ASTN2: variants seen among roughly 807,000 people sequenced by gnomAD.
ASTN2 encodes astrotactin 2.
A neutral mutation model predicts 139.8 loss-of-function variants in ASTN2; 54 were observed. The ratio of observed to expected loss-of-function variants is 0.39; its 90% CI spans 0.31 to 0.48. ASTN2 has a LOEUF of 0.48. ASTN2 is among the 20% of genes least tolerant of loss of function. The probability of loss-of-function intolerance (pLI) is 0.95; values close to 1 mark genes in which losing one functional copy is unlikely to be tolerated. For synonymous variants in ASTN2, 756 were observed against 719.5 expected (o/e 1.05, Z -0.81); for missense variants, 1,565 against 1,725.1 (o/e 0.91, Z 1.64).
chr9:117,167,212 C>T (rs2132915461), intron 3 of ASTN2, among the ~76,000 whole-genome samples: 1 of 152,208 alleles, frequency 6.6e-6, no homozygotes, highest in East Asian at 1.9e-4. Context: ...CTATCTCTGT[C>T]ATCTGTCATC....
chr9:117,284,126 T>C (rs1341861108), intron 2 of ASTN2, among the ~76,000 whole-genome samples: 1 of 152,160 alleles, frequency 6.6e-6, no homozygotes, highest in Admixed American at 6.5e-5. Flanking sequence ...AATTTTTAAA[T>C]GAGGTTGTTA....
intron 19 of ASTN2, among the ~76,000 whole-genome samples, chr9:116,573,131 G>A (rs957743946): frequency 3.3e-5 from 5 of 152,112 alleles, no homozygotes; most frequent in African/African-American, 7.2e-5. Context: ...TATTTCCTGC[G>A]TTATAGAAGA....
intron 2 of ASTN2, among the ~76,000 whole-genome samples, chr9:117,225,485 C>A (rs941169877): frequency 1.3e-4 from 18 of 140,268 alleles, no homozygotes; most frequent in Non-Finnish European, 2.6e-4. Flanking sequence ...GAGGCCGAGG[C>A]GGGTGGGTCA....
Position 117,345,997 on chromosome 9 carries a change from G to A in ASTN2, c.443-54484C>T, listed in dbSNP as rs77998464. Among the ~76,000 whole-genome samples the A allele has an allele frequency of 9.7e-3, 1,105 of 113,506 alleles. 13 individuals carry two copies. The highest frequency in any genetic ancestry group is 0.032 in the African/African-American group (992 of 31,196). The allele number at this position is 113,506 out of a possible 152,430, so 74.5% of individuals were successfully genotyped here. ...ATTTTAATCCTCACATTGCCACTTA[G>A]TGAACTAAGAGGCAAAAAAAAAAAA... On this transcript the variant is annotated intron_variant, in intron 1 of 22. Transcript: ENST00000313400.
chr9:116,482,672 T>C (rs571221196), intron 20 of ASTN2, among the ~76,000 whole-genome samples: 82 of 152,196 alleles, frequency 5.4e-4, no homozygotes, highest in African/African-American at 1.9e-3. Context: ...CGGGCTTTTT[T>C]TCACAATGCC....
At chr9:117,240,745 G>A (rs186627463) in intron 2 of ASTN2, among the ~76,000 whole-genome samples, 1 of 152,182 alleles carries the variant, frequency 6.6e-6, no homozygotes, top group East Asian at 1.9e-4. Flanking sequence ...GTTTCCTGAG[G>A]TTTTCCAATC....
At chr9:116,477,302 A>G (rs765460336) in intron 20 of ASTN2, among the ~76,000 whole-genome samples, 6 of 151,940 alleles carry the variant, frequency 3.9e-5, no homozygotes, top group Non-Finnish European at 7.4e-5. Flanking sequence ...CCAGGCCCCA[A>G]CTGTGCACTT....
chr9:117,310,759 G>A (rs1827948238), intron 1 of ASTN2, among the ~76,000 whole-genome samples: 1 of 152,074 alleles, frequency 6.6e-6, no homozygotes, highest in Non-Finnish European at 1.5e-5. Context: ...AGCCACCTAA[G>A]GACTACAAGC....
chr9:116,614,632 C>T (rs1267612304), intron 19 of ASTN2, among the ~76,000 whole-genome samples: 1 of 152,114 alleles, frequency 6.6e-6, no homozygotes, highest in Non-Finnish European at 1.5e-5. Context: ...AAAGGATTCC[C>T]TATTTAATAA....
At chr9:117,378,844 G>T (rs1343766427) in intron 1 of ASTN2, among the ~76,000 whole-genome samples, 3 of 152,166 alleles carry the variant, frequency 2.0e-5, no homozygotes, top group Non-Finnish European at 4.4e-5. Flanking sequence ...TGGAGGTGGG[G>T]CCTAGTGGGA....
intron 20 of ASTN2, among the ~76,000 whole-genome samples, chr9:116,448,810 A>T (rs997163729): frequency 6.6e-6 from 1 of 152,154 alleles, no homozygotes; most frequent in African/African-American, 2.4e-5. Flanking sequence ...TTTCCCTTGT[A>T]CTATTCATGA....
Position 116,953,667 on chromosome 9 carries a change from TG to T in ASTN2, c.1889+21540del, listed in dbSNP as rs775340369. ...GTTTTTTTAACAACAACAAAAAAGA[TG>T]GGTTCCCTGTATTGAGCATCTCCTG... On this transcript the variant is annotated intron_variant, in intron 10 of 22. Coordinates refer to ENST00000313400, the MANE Select transcript of ASTN2 (RefSeq NM_001365068.1). Among the ~76,000 whole-genome samples, 41 of 152,364 alleles carry T rather than the reference TG, an allele frequency of 2.7e-4. No individual in the cohort carries two copies. In the South Asian group the frequency reaches 3.5e-3, roughly 13 times the overall value.
intron 19 of ASTN2, among the ~76,000 whole-genome samples, chr9:116,595,865 A>G (rs1854549971): frequency 6.6e-6 from 1 of 152,202 alleles, no homozygotes; most frequent in African/African-American, 2.4e-5. Context: ...GAAAAACAGT[A>G]TGCAGGTTCC....
At position 116,620,397 on chromosome 9, in the gene ASTN2, C is replaced by G; in HGVS notation, c.3119G>C (p.Gly1040Ala). ...CCTGCACCAGTCATCGATCACATCC[C>G]CTTTCCCTGAGCACCAGTAGGAACT... ...LMSSYWCSGK[G>A]DVIDDWCRCD... The change falls in exon 18 of 23, where the codon GGG becomes GCG. Residue 1040 changes from glycine to alanine, a missense_variant. Transcript: ENST00000313400. 1 of 1,614,182 alleles carries G rather than the reference C, an allele frequency of 6.2e-7. No individual in the cohort carries two copies. Among genetic ancestry groups the G allele is most frequent in the Non-Finnish European group, 8.5e-7 (1 of 1,180,030 alleles).
chr9:117,200,347 C>A lies in ASTN2; in HGVS notation c.1015+14011G>T, dbSNP rs1291987182. 3.3e-5 allele frequency among the ~76,000 whole-genome samples: 5 copies of A among 151,578 alleles called. No homozygotes were observed. In the South Asian group the frequency reaches 6.3e-4, roughly 19 times the overall value. On this transcript the variant is annotated intron_variant, in intron 3 of 22. Coordinates refer to ENST00000313400, the MANE Select transcript of ASTN2 (RefSeq NM_001365068.1). ...ACTTCTTCTCTTCCTATCTGAATAC[C>A]CTTTATTTCTTTCTCTTGCCTGATT...
In ASTN2 at chr9:117,054,077, T is replaced by C. The variant is rs557382074; in HGVS notation, c.1277-14112A>G. 5.9e-5 allele frequency among the ~76,000 whole-genome samples: 9 copies of C among 151,986 alleles called. No individual in the cohort carries two copies. In the South Asian group the frequency reaches 1.7e-3, roughly 28 times the overall value. On this transcript the variant is annotated intron_variant, in intron 5 of 22. Coordinates refer to ENST00000313400, the MANE Select transcript of ASTN2 (RefSeq NM_001365068.1). ...GAGAAAATGTTCTGTGAAGCCTTTT[T>C]GCTCAAACACATTTCCACATGGAAA...
intron 19 of ASTN2, among the ~76,000 whole-genome samples, chr9:116,587,766 A>G (rs1854217247): frequency 6.6e-6 from 1 of 152,182 alleles, no homozygotes. Context: ...GATACACCAC[A>G]TTATAGGACT....
chr9:116,904,635 A>C (rs1308019416), intron 10 of ASTN2, among the ~76,000 whole-genome samples: 1 of 152,188 alleles, frequency 6.6e-6, no homozygotes, highest in African/African-American at 2.4e-5. Flanking sequence ...ATACATGTAA[A>C]CCACTAAGAA....
chr9:116,781,039 C>T (rs1362366666), intron 13 of ASTN2, among the ~76,000 whole-genome samples: 1 of 152,090 alleles, frequency 6.6e-6, no homozygotes, highest in East Asian at 1.9e-4. Flanking sequence ...GGGGTTTCTC[C>T]ATGTTGGTCA....
Sources: allele counts gnomAD v4.1 joint callset (sites outside exome capture counted in the v4.1 genomes callset), GRCh38; gene constraint gnomAD v4.1.1; transcripts MANE v1.5; gene names NCBI Gene and HGNC (gene_info 2026-07-23, HGNC 2026-07-21).